The following KAZN variants were observed in gnomAD, a reference collection of about 807,000 sequenced individuals.
KAZN encodes the protein kazrin.
In KAZN, 40 loss-of-function variants were observed where a neutral mutation model predicts 87.4. The ratio of observed to expected loss-of-function variants is 0.46; its 90% CI spans 0.36 to 0.60. KAZN has a LOEUF of 0.60. Ranked by LOEUF, KAZN falls within the 20% of genes least tolerant of loss-of-function variation. The probability of loss-of-function intolerance (pLI) is 0.00; values close to 1 mark genes in which losing one functional copy is unlikely to be tolerated. For missense variants in KAZN, 898 were observed against 1,073.9 expected, an observed-to-expected ratio of 0.84 and a Z score of 2.29; for synonymous variants, 466 against 458.3, an observed-to-expected ratio of 1.02 and a Z score of -0.22.
Position 14,599,208 on chromosome 1 carries a change from C to A in KAZN, c.211C>A (p.Gln71Lys). The change falls in exon 1 of 15, where the codon CAG (glutamine) becomes AAG (lysine). Residue 71 changes from glutamine (Q) to lysine (K), a missense_variant. Transcript: ENST00000376030. The surrounding 1 kb of genome is among the most constrained non-coding windows in gnomAD (Gnocchi z 4.4). ...DSAATNMENP[Q>K]LGAQVLLREE... ...GGCGGCGACGAACATGGAGAACCCC[C>A]AGCTTGGAGCGCAAGGTAGGATCGC... 1 of 1,401,246 alleles carries A rather than the reference C, an allele frequency of 7.1e-7. No individual in the cohort carries two copies. The highest frequency in any genetic ancestry group is 9.3e-7 in the Non-Finnish European group (1 of 1,080,312). 86.8% of individuals were successfully genotyped at this position (1,401,246 alleles called of 1,614,324 possible).
rs925008706 is a variant in KAZN, at chr1:14,996,618, C to T, written c.418+35743C>T. Among the ~76,000 whole-genome samples the T allele has an allele frequency of 3.3e-5, 5 of 152,204 alleles. No homozygotes were observed. The highest frequency in any genetic ancestry group is 2.0e-4 in the Admixed American group (3 of 15,282). On this transcript the variant is annotated intron_variant, in intron 2 of 14. Transcript: ENST00000376030. The surrounding 1 kb of genome is among the most constrained non-coding windows in gnomAD (Gnocchi z 5.9). ...CGTTTCTGCCGCCAGCACCCTCCCA[C>T]GGGCGTGCAGATCTGACAAGATCAG...
chr1:14,259,464 A>G (rs1650840612), intron 2 of KAZN, among the ~76,000 whole-genome samples: 1 of 152,028 alleles, frequency 6.6e-6, no homozygotes, highest in South Asian at 2.1e-4. Flanking sequence ...CTCCTTTTTA[A>G]CAGTCCAACC....
At chr1:15,073,015 G>A (rs1639582783) in intron 8 of KAZN, among the ~76,000 whole-genome samples, 1 of 152,164 alleles carries the variant, frequency 6.6e-6, no homozygotes, top group East Asian at 1.9e-4. Flanking sequence ...AACCCCGAAG[G>A]GGTTCCTCAG....
chr1:14,576,971 G>A (rs1675229863), intron 2 of KAZN, among the ~76,000 whole-genome samples: 1 of 152,134 alleles, frequency 6.6e-6, no homozygotes, highest in East Asian at 1.9e-4. Context: ...AATGCATTTT[G>A]ACTAATTAAT....
chr1:14,579,750 T>C (rs1236134091), intron 2 of KAZN, among the ~76,000 whole-genome samples: 1 of 151,936 alleles, frequency 6.6e-6, no homozygotes, highest in Non-Finnish European at 1.5e-5. Flanking sequence ...ACACACTGAG[T>C]GGCTGCTGTA....
intron 12 of KAZN, among the ~76,000 whole-genome samples, chr1:15,103,679 G>A (rs977052144): frequency 6.6e-6 from 1 of 151,556 alleles, no homozygotes; most frequent in Non-Finnish European, 1.5e-5. Flanking sequence ...TCAGGAGGAG[G>A]GAACTGCTTA....
At chr1:15,036,267 C>T (rs1359574854) in intron 3 of KAZN, among the ~76,000 whole-genome samples, 9 of 148,080 alleles carry the variant, frequency 6.1e-5, no homozygotes, top group Non-Finnish European at 1.4e-4. Context: ...CAGCCCTCCC[C>T]TGCCCTGCCT....
intron 2 of KAZN, among the ~76,000 whole-genome samples, chr1:14,201,947 C>A (rs1056198038): frequency 2.0e-5 from 3 of 152,222 alleles, no homozygotes; most frequent in South Asian, 4.1e-4. Flanking sequence ...GGATTACAGG[C>A]GTGAGCCACT....
chr1:14,689,063 T>C (rs1288341236), intron 1 of KAZN, among the ~76,000 whole-genome samples: 1 of 152,014 alleles, frequency 6.6e-6, no homozygotes, highest in Non-Finnish European at 1.5e-5. Context: ...GACATGGTGG[T>C]GCGTGCCTGA....
chr1:14,625,790 G>A (rs758556673), intron 1 of KAZN, among the ~76,000 whole-genome samples: 17 of 152,214 alleles, frequency 1.1e-4, no homozygotes, highest in Non-Finnish European at 2.1e-4. Context: ...AGGGACAGAT[G>A]CACTCGGTGT....
chr1:14,552,264 C>T (rs1163532137), intron 2 of KAZN, among the ~76,000 whole-genome samples: 1 of 152,204 alleles, frequency 6.6e-6, no homozygotes, highest in East Asian at 1.9e-4. Flanking sequence ...AGGAAGAGAT[C>T]TTGAGCGGTT....
At chr1:14,415,642 C>T (rs1335860383) in intron 2 of KAZN, among the ~76,000 whole-genome samples, 6 of 152,180 alleles carry the variant, frequency 3.9e-5, no homozygotes, top group Non-Finnish European at 7.3e-5. Flanking sequence ...CCAGCTCCCT[C>T]GCCTCTGGAC....
chr1:14,619,916 C>T (rs1678557979), intron 1 of KAZN, among the ~76,000 whole-genome samples: 2 of 152,228 alleles, frequency 1.3e-5, no homozygotes, highest in African/African-American at 4.8e-5. Context: ...GGCTATACCA[C>T]ATGATATCCA....
chr1:14,578,067 C>A (rs953030748), intron 2 of KAZN, among the ~76,000 whole-genome samples: 2 of 152,034 alleles, frequency 1.3e-5, no homozygotes, highest in Non-Finnish European at 2.9e-5. Flanking sequence ...GCATCTACCC[C>A]CTACTTGTCA....
At chr1:14,297,142 C>A (rs1369286703) in intron 2 of KAZN, among the ~76,000 whole-genome samples, 1 of 152,096 alleles carries the variant, frequency 6.6e-6, no homozygotes, top group Admixed American at 6.5e-5. Context: ...TTTTCTCCCC[C>A]ACAAGAAGCC....
rs775324302 is a variant in KAZN at position 14,856,644 on chromosome 1, T to C, written c.227-104040T>C. ...TGCAGCCACACATTCTTTGGGTTTTTACATTTTGGGGAATAAATAGGCAAT... is the reference window on the plus strand; with the variant it reads ...TGCAGCCACACATTCTTTGGGTTTTCACATTTTGGGGAATAAATAGGCAAT... On this transcript the variant is annotated intron_variant, in intron 1 of 14. Coordinates refer to ENST00000376030, the MANE Select transcript of KAZN (RefSeq NM_201628.3). This position sits in a 1 kb window ranked among gnomAD's most constrained non-coding sequence, Gnocchi z 5.2. Among the ~76,000 whole-genome samples the C allele has an allele frequency of 6.6e-6, 1 of 152,212 alleles. No individual in the cohort carries two copies. The highest frequency in any genetic ancestry group is 1.5e-5 in the Non-Finnish European group (1 of 68,042).
chr1:14,921,474 A>T (rs192833590), intron 1 of KAZN, among the ~76,000 whole-genome samples: 1 of 152,312 alleles, frequency 6.6e-6, no homozygotes, highest in Admixed American at 6.5e-5. Context: ...TTTAGATTTC[A>T]TGTAAAAATC....
At chr1:14,946,088 A>G (rs1198981392) in intron 1 of KAZN, 3 of 196,774 alleles carry the variant, frequency 1.5e-5, no homozygotes, top group African/African-American at 7.1e-5. Flanking sequence ...GGGTCAAACA[A>G]CTACCCAAGG....
intron 1 of KAZN, among the ~76,000 whole-genome samples, chr1:14,006,193 TG>T (rs1164610131): frequency 5.3e-5 from 8 of 152,218 alleles, no homozygotes; most frequent in Non-Finnish European, 1.2e-4. Flanking sequence ...TTGTTGCCTG[TG>T]CTTTGATGTA....
Sources: gnomAD v4.1 joint callset for allele counts (sites outside exome capture counted in the v4.1 genomes callset) on GRCh38, gnomAD v4.1.1 for gene constraint, Gnocchi (gnomAD v3.1) non-coding constraint, MANE v1.5 for transcripts, NCBI Gene and HGNC (gene_info 2026-07-23, HGNC 2026-07-21) for gene names.